The following ZNF879 variants were observed in gnomAD, a reference collection of about 807,000 sequenced individuals.
The protein encoded by ZNF879 is zinc finger protein 879.
ZNF879 carries 32 observed loss-of-function variants against 44.3 expected under a neutral mutation model. That is an observed-to-expected ratio of 0.72 (90% CI 0.54 to 0.97). The LOEUF (loss-of-function observed/expected upper bound fraction) is 0.97. ZNF879 is among the 50% of genes least tolerant of loss of function. The pLI, the probability that ZNF879 is intolerant of heterozygous loss-of-function variation, is 0.00. For synonymous variants in ZNF879, 234 were observed against 233.2 expected, an observed-to-expected ratio of 1.00 and a Z score of -0.03; for missense variants, 621 against 669.7, an observed-to-expected ratio of 0.93 and a Z score of 0.80.
At position 179,032,924 on chromosome 5, in the gene ZNF879, A is replaced by T; in HGVS notation, c.976A>T (p.Ser326Cys). Residue 326 changes from serine (S) to cysteine (C), a missense_variant, in exon 5 of 5, where the codon AGT becomes TGT. Ser to Cys is a moderately radical substitution (Grantham distance 112, BLOSUM62 -1). Transcript: ENST00000444149. ...YKCNECGRAF[S>C]QCSSLIQHHR... Reference sequence around the variant, plus strand: ...GTGTAATGAATGTGGGAGGGCCTTCAGTCAGTGCTCATCTCTCATTCAGCA... The same window carrying T: ...GTGTAATGAATGTGGGAGGGCCTTCTGTCAGTGCTCATCTCTCATTCAGCA... 1 of 1,567,078 alleles carries T rather than the reference A, an allele frequency of 6.4e-7. No individual in the cohort carries two copies. Among genetic ancestry groups the T allele is most frequent in the South Asian group, 1.2e-5 (1 of 85,330 alleles).
In ZNF879 at chr5:179,032,928, A is replaced by G. The variant is rs1761472569; in HGVS notation, c.980A>G (p.Gln327Arg). 6.4e-7 allele frequency: 1 copy of G among 1,565,976 alleles called. No homozygotes were observed. The highest frequency in any genetic ancestry group is 8.7e-7 in the Non-Finnish European group (1 of 1,155,310). Residue 327 changes from glutamine to arginine, a missense_variant, in exon 5 of 5, where the codon CAG (glutamine) becomes CGG (arginine). Physicochemically the swap from Gln to Arg is conservative, Grantham distance 43. Transcript: ENST00000444149. The stretch of plus-strand genomic sequence containing the variant: ...AATGAATGTGGGAGGGCCTTCAGTC[A>G]GTGCTCATCTCTCATTCAGCACCAC... ...KCNECGRAFS[Q>R]CSSLIQHHRI...
At position 179,032,693 on chromosome 5, in the gene ZNF879, C is replaced by T. The variant is rs929814869; in HGVS notation, c.745C>T (p.Gln249Ter). The T allele has an allele frequency of 5.1e-6, 8 of 1,561,106 alleles. No individual in the cohort carries two copies. In the Admixed American group the frequency reaches 9.7e-5, roughly 19 times the overall value. The change falls in exon 5 of 5, where the codon CAG becomes TAG. Residue 249 changes from glutamine (Q) to a stop codon, truncating the protein, a stop_gained. Transcript: ENST00000444149. LOFTEE classifies it high-confidence loss of function. ...KAFSQSSSLT[Q>*]HLRVHTGEKP... is the part of the protein sequence containing the mutation. Reference sequence around the variant, plus strand: ...CTTCAGCCAAAGCTCATCCCTAACTCAGCACTTGAGGGTTCATACAGGAGA... The same window carrying T: ...CTTCAGCCAAAGCTCATCCCTAACTTAGCACTTGAGGGTTCATACAGGAGA...
Position 179,034,621 on chromosome 5 carries a change from C to A in ZNF879, c.*981C>A, listed in dbSNP as rs1761535678. 6.6e-6 allele frequency: 1 copy of A among 152,148 alleles called. No individual in the cohort carries two copies. Among genetic ancestry groups the A allele is most frequent in the Non-Finnish European group, 1.5e-5 (1 of 68,046 alleles). 9.4% of individuals were successfully genotyped at this position (152,148 alleles called of 1,614,324 possible). On this transcript the variant is annotated 3_prime_UTR_variant, in exon 5 of 5. Transcript: ENST00000444149. ...TTCATCAGACAAGGTTCACTTTCTC[C>A]CCACACTCTAAAGGTCACTGGGCAA...
At chr5:179,029,677 T>C (rs1432473778) in intron 4 of ZNF879, among the ~76,000 whole-genome samples, 1 of 152,092 alleles carries the variant, frequency 6.6e-6, no homozygotes, top group Non-Finnish European at 1.5e-5. Context: ...AAAAGTCACC[T>C]GGAATTTTAC....
At chr5:179,031,607 T>A (rs1382664604) in intron 4 of ZNF879, among the ~76,000 whole-genome samples, 1 of 152,262 alleles carries the variant, frequency 6.6e-6, no homozygotes, top group Non-Finnish European at 1.5e-5. Context: ...TGCTGTTGAT[T>A]TGTTACTTGG....
Position 179,033,416 on chromosome 5 carries a change from G to A in ZNF879, c.1468G>A (p.Glu490Lys). The A allele has an allele frequency of 6.4e-7, 1 of 1,560,380 alleles. No homozygotes were observed. The highest frequency in any genetic ancestry group is 8.7e-7 in the Non-Finnish European group (1 of 1,152,200). Residue 490 changes from glutamate (E) to lysine (K), a missense_variant, in exon 5 of 5, where the codon GAG becomes AAG. Physicochemically the swap from Glu to Lys is moderately conservative, Grantham distance 56 (BLOSUM62 1). Coordinates refer to ENST00000444149, the MANE Select transcript of ZNF879 (RefSeq NM_001136116.3). ...AAAACCTTATAAATGTAATGACTGT[G>A]AGAAAGCCTTCAACCAAAGCTCAGC... ...GEKPYKCNDC[E>K]KAFNQSSALI...
Position 179,032,971 on chromosome 5 carries a change from G to A in ZNF879, c.1023G>A (p.Glu341=). The part of the protein sequence containing the change: ...LIQHHRIHTG[E]KPYECTQCGK... The stretch of plus-strand genomic sequence containing the variant: ...AGCACCACAGAATTCATACTGGGGA[G>A]AAACCGTATGAATGTACTCAGTGTG... The change falls in exon 5 of 5, where the codon GAG becomes GAA. Residue 341 remains glutamate, a synonymous_variant. Coordinates refer to ENST00000444149, the MANE Select transcript of ZNF879 (RefSeq NM_001136116.3). The A allele has an allele frequency of 4.5e-6, 7 of 1,557,388 alleles. No individual in the cohort carries two copies. The highest frequency in any genetic ancestry group is 6.1e-6 in the Non-Finnish European group (7 of 1,150,466).
chr5:179,030,980 T>C (rs563006405), intron 4 of ZNF879, among the ~76,000 whole-genome samples: 16 of 152,310 alleles, frequency 1.1e-4, no homozygotes, highest in Non-Finnish European at 2.1e-4. Flanking sequence ...CTCTGCGCTC[T>C]ATTCGTAGGT....
At chr5:179,028,235 T>C (rs1581099703) in intron 4 of ZNF879, 108 bp downstream of exon 4, 1 of 961,674 alleles carries the variant, frequency 1.0e-6, no homozygotes, top group Non-Finnish European at 1.6e-6. Context: ...CAGGGGGAAA[T>C]GCTGGGAAGG....
chr5:179,032,188 T>C lies in ZNF879; in HGVS notation c.257-17T>C, dbSNP rs889720250. 14 of 1,471,630 alleles carry C rather than the reference T, an allele frequency of 9.5e-6. No homozygotes were observed. The African/African-American group carries it at 1.7e-4, about 18-fold the overall frequency. 91.2% of individuals were successfully genotyped at this position (1,471,630 alleles called of 1,614,324 possible). On this transcript the variant is annotated splice_polypyrimidine_tract_variant and intron_variant, in intron 4 of 4. Transcript: ENST00000444149. ...ATTCTGAGTTCAAGAGAGACTTATA[T>C]GTTTTGTCTACTTTAGGATGGGAAA...
chr5:179,028,196 C>A, intron 4 of ZNF879, 69 bp downstream of exon 4: 1 of 1,398,176 alleles, frequency 7.2e-7, no homozygotes, highest in Non-Finnish European at 9.9e-7. Context: ...GAGGAGGCTG[C>A]GCTCAAGGGT....
chr5:179,028,153 G>A lies in ZNF879; in HGVS notation c.256+26G>A, dbSNP rs745333999. 2.6e-6 allele frequency: 4 copies of A among 1,544,448 alleles called. No homozygotes were observed. In the South Asian group the frequency reaches 3.6e-5, roughly 14 times the overall value. On this transcript the variant is annotated intron_variant, in intron 4 of 4. Transcript: ENST00000444149. ...GTGAGTGACAGAGTAATTGGGAGATGGGCATAACATTTTCCCACTGCCAGG... is the reference window on the plus strand; with the variant it reads ...GTGAGTGACAGAGTAATTGGGAGATAGGCATAACATTTTCCCACTGCCAGG...
rs756871165 is a variant in ZNF879 at position 179,033,175 on chromosome 5, C to G, written c.1227C>G (p.Phe409Leu). 6.3e-7 allele frequency: 1 copy of G among 1,593,730 alleles called. No individual in the cohort carries two copies. The highest frequency in any genetic ancestry group is 8.5e-7 in the Non-Finnish European group (1 of 1,169,656). The change falls in exon 5 of 5, where the codon TTC becomes TTG. Residue 409 changes from phenylalanine to leucine, a missense_variant. Phe to Leu is a conservative substitution (Grantham distance 22). Coordinates refer to ENST00000444149, the MANE Select transcript of ZNF879 (RefSeq NM_001136116.3). ...CATGCAAAGAATGTGGGAAAGCCTT[C>G]AGCCAAAGCTCAGCTCTCATACAAC... ...PYACKECGKAFSQSSALIQHQ... is the reference protein window; with the variant it reads ...PYACKECGKALSQSSALIQHQ...
chr5:179,025,118 TACCC>T, intron 2 of ZNF879, 81 bp downstream of exon 2: 13 of 1,485,190 alleles, frequency 8.8e-6, no homozygotes, highest in Non-Finnish European at 1.2e-5. Flanking sequence ...TGAGCTTCTC[TACCC>T]AGTGAAGCTC....
rs1184211885 is a variant in ZNF879, at chr5:179,032,934, C to G, written c.986C>G (p.Ser329Ter). 9.6e-6 allele frequency: 15 copies of G among 1,564,100 alleles called. No homozygotes were observed. Among genetic ancestry groups the G allele is most frequent in the Non-Finnish European group, 1.3e-5 (15 of 1,154,284 alleles). ...TGTGGGAGGGCCTTCAGTCAGTGCTCATCTCTCATTCAGCACCACAGAATT... is the reference window on the plus strand; with the variant it reads ...TGTGGGAGGGCCTTCAGTCAGTGCTGATCTCTCATTCAGCACCACAGAATT... The part of the protein sequence containing the change: ...NECGRAFSQC[S>*]SLIQHHRIHT... Residue 329 changes from serine to a stop codon, truncating the protein, a stop_gained, in exon 5 of 5, where the codon TCA becomes TGA. Transcript: ENST00000444149. LOFTEE classifies it high-confidence loss of function.
At position 179,032,186 on chromosome 5, in the gene ZNF879, T is replaced by C. The variant is rs139257377; in HGVS notation, c.257-19T>C. On this transcript the variant is annotated intron_variant, in intron 4 of 4. Transcript: ENST00000444149. ...AAATTCTGAGTTCAAGAGAGACTTATATGTTTTGTCTACTTTAGGATGGGA... is the reference window on the plus strand; with the variant it reads ...AAATTCTGAGTTCAAGAGAGACTTACATGTTTTGTCTACTTTAGGATGGGA... 1.7e-4 allele frequency: 253 copies of C among 1,467,704 alleles called. 1 individual carries two copies. The African/African-American group carries it at 3.1e-3, about 18-fold the overall frequency. 90.9% of individuals were successfully genotyped at this position (1,467,704 alleles called of 1,614,324 possible). A position where few individuals can be genotyped will look rare whatever the true frequency, so the allele number is the denominator to read the frequency against.
intron 2 of ZNF879, among the ~76,000 whole-genome samples, chr5:179,025,253 T>A: frequency 6.6e-6 from 1 of 151,538 alleles, no homozygotes; most frequent in African/African-American, 2.4e-5. Context: ...AGGGTCTCAC[T>A]CTGTTACCCA....
In ZNF879 at chr5:179,028,078, A is replaced by G. The variant is rs770524061; in HGVS notation, c.207A>G (p.Gly69=). The change falls in exon 4 of 5, where the codon GGA becomes GGG. Residue 69 remains glycine (G), a synonymous_variant. Coordinates refer to ENST00000444149, the MANE Select transcript of ZNF879 (RefSeq NM_001136116.3). Reference sequence around the variant, plus strand: ...AGGTCATCTCCCAGTTAGAGCAAGGAGAAGACCCCTGGATGGTGGAGAGTG... The same window carrying G: ...AGGTCATCTCCCAGTTAGAGCAAGGGGAAGACCCCTGGATGGTGGAGAGTG... ...KPKVISQLEQ[G]EDPWMVESGV... is the part of the protein sequence containing the mutation. 1.7e-5 allele frequency: 27 copies of G among 1,551,408 alleles called. No homozygotes were observed. The highest frequency in any genetic ancestry group is 2.2e-5 in the Non-Finnish European group (25 of 1,146,958).
intron 4 of ZNF879, among the ~76,000 whole-genome samples, 195 bp from the exon 5 acceptor site, chr5:179,032,010 C>T (rs1348467278): frequency 6.6e-6 from 1 of 152,188 alleles, no homozygotes; most frequent in Non-Finnish European, 1.5e-5. Context: ...CTAATTTCCT[C>T]AGCCCACCTA....
Sources: allele counts gnomAD v4.1 joint callset (sites outside exome capture counted in the v4.1 genomes callset), GRCh38; gene constraint gnomAD v4.1.1; transcripts MANE v1.5; gene names NCBI Gene and HGNC (gene_info 2026-07-23, HGNC 2026-07-21).